The following PKNOX2 variants were observed in gnomAD, a reference collection of about 807,000 sequenced individuals.
The protein encoded by PKNOX2 is homeobox protein PKNOX2.
In PKNOX2, 14 loss-of-function variants were observed where a neutral mutation model predicts 53.1. The observed-to-expected ratio is 0.26, with a 90% CI of 0.17 to 0.41. The LOEUF (loss-of-function observed/expected upper bound fraction) is 0.41. Among genes scored for constraint, PKNOX2 ranks in the 10% least tolerant of loss-of-function variants. The pLI is 1.00. For synonymous variants in PKNOX2, 257 were observed against 242.8 expected, an observed-to-expected ratio of 1.06 and a Z score of -0.54; for missense variants, 496 against 602.8, an observed-to-expected ratio of 0.82 and a Z score of 1.85.
intron 1 of PKNOX2, among the ~76,000 whole-genome samples, chr11:125,192,026 G>A (rs1410757280): frequency 1.3e-5 from 2 of 152,002 alleles, no homozygotes; most frequent in African/African-American, 2.4e-5. Flanking sequence ...ATGAAATATC[G>A]ACATCTGAGC....
intron 2 of PKNOX2, among the ~76,000 whole-genome samples, chr11:125,259,984 C>G (rs1255525691): frequency 6.6e-6 from 1 of 151,992 alleles, no homozygotes; most frequent in African/African-American, 2.4e-5. Flanking sequence ...TCAAGCGATC[C>G]TCCTGCCTCA....
intron 3 of PKNOX2, among the ~76,000 whole-genome samples, chr11:125,333,947 G>A (rs1317920749): frequency 1.3e-5 from 2 of 152,164 alleles, no homozygotes; most frequent in Non-Finnish European, 2.9e-5. Context: ...ATCTCCACGT[G>A]TAAACGACAA....
At chr11:125,404,745 G>A (rs180720484) in intron 7 of PKNOX2, among the ~76,000 whole-genome samples, 4 of 152,074 alleles carry the variant, frequency 2.6e-5, no homozygotes, top group South Asian at 2.1e-4. Context: ...AAGCAGTTTC[G>A]GGGAATTCAG....
At position 125,420,842 on chromosome 11, in the gene PKNOX2, C is replaced by A. The variant is rs141311233; in HGVS notation, c.937-8170C>A. ...ACTGGGGCATCGTGTCAATAGGGCA[C>A]AAAAAGGAGACGCTGAAGGTTCACT... On this transcript the variant is annotated intron_variant, in intron 10 of 12. Coordinates refer to ENST00000298282, the MANE Select transcript of PKNOX2 (RefSeq NM_001382323.2). Among the ~76,000 whole-genome samples the A allele has an allele frequency of 4.3e-3, 656 of 152,134 alleles. 6 individuals are homozygous for A. Among genetic ancestry groups the A allele is most frequent in the African/African-American group, 0.015 (606 of 41,498 alleles).
intron 1 of PKNOX2, among the ~76,000 whole-genome samples, chr11:125,210,460 G>A (rs1195292806): frequency 6.6e-6 from 1 of 152,156 alleles, no homozygotes; most frequent in Non-Finnish European, 1.5e-5. Flanking sequence ...GGGCACAAAT[G>A]TGGATGCAGG....
intron 1 of PKNOX2, among the ~76,000 whole-genome samples, chr11:125,189,371 A>ATATATATATGTGTGTGTATATATATATG: frequency 1.3e-5 from 1 of 79,676 alleles, no homozygotes; most frequent in East Asian, 4.3e-4. Context: ...ATATATATGT[A>ATATATATATGTGTGTGTATATATATATG]TATATATATA....
intron 1 of PKNOX2, chr11:125,188,080 A>G (rs1487761969): frequency 2.6e-5 from 4 of 152,194 alleles, no homozygotes; most frequent in Non-Finnish European, 5.9e-5. Flanking sequence ...GCCCTTGGAG[A>G]CAAGCTTTTT....
chr11:125,377,050 T>C (rs74423910), intron 5 of PKNOX2, among the ~76,000 whole-genome samples: 1,978 of 152,314 alleles, frequency 0.013, 45 homozygotes, highest in African/African-American at 0.043. Context: ...TATAAATTTA[T>C]TGGAGTAGAT....
At chr11:125,219,027 G>A (rs1324604439) in intron 1 of PKNOX2, among the ~76,000 whole-genome samples, 1 of 152,140 alleles carries the variant, frequency 6.6e-6, no homozygotes, top group African/African-American at 2.4e-5. Context: ...ATCAAAAAGG[G>A]TAAATCATGT....
chr11:125,382,338 A>G (rs736808), intron 5 of PKNOX2, among the ~76,000 whole-genome samples: 56,577 of 152,094 alleles, frequency 0.37, 10,849 homozygotes, highest in Middle Eastern at 0.47. Context: ...CACACACACA[A>G]GCACACACAC....
In PKNOX2 at chr11:125,281,985, G is replaced by A. The variant is rs142090257; in HGVS notation, c.-130+46870G>A. 9.0e-3 allele frequency among the ~76,000 whole-genome samples: 1,376 copies of A among 152,288 alleles called. 51 individuals are homozygous for A. Among genetic ancestry groups the A allele is most frequent in the Admixed American group, 0.065 (1,000 of 15,304 alleles). ...GCTGACATTCGAGTTACTCAAATCC[G>A]GCTTATTTCCCTTTTAGGACAAGGT... On this transcript the variant is annotated intron_variant, in intron 2 of 12. Coordinates refer to ENST00000298282, the MANE Select transcript of PKNOX2 (RefSeq NM_001382323.2).
chr11:125,389,023 C>T (rs996631137), intron 6 of PKNOX2, among the ~76,000 whole-genome samples: 21 of 152,134 alleles, frequency 1.4e-4, no homozygotes, highest in African/African-American at 5.1e-4. Context: ...GGCGAAACCT[C>T]GTCTCTACTA....
At chr11:125,233,685 G>T (rs1023526357) in intron 1 of PKNOX2, among the ~76,000 whole-genome samples, 3 of 152,168 alleles carry the variant, frequency 2.0e-5, no homozygotes, top group Admixed American at 1.3e-4. Flanking sequence ...AAATGACTTT[G>T]CCTCGAGGAA....
chr11:125,225,264 TC>T (rs1270242463), intron 1 of PKNOX2, among the ~76,000 whole-genome samples: 1 of 152,162 alleles, frequency 6.6e-6, no homozygotes, highest in African/African-American at 2.4e-5. Context: ...TGGTTGTCTG[TC>T]CCCTCATTAG....
At chr11:125,176,246 G>T (rs1256685837) in intron 1 of PKNOX2, among the ~76,000 whole-genome samples, 1 of 152,214 alleles carries the variant, frequency 6.6e-6, no homozygotes, top group African/African-American at 2.4e-5. Context: ...GGTGAGGAGG[G>T]GGTTGGCCTC....
At chr11:125,192,877 G>A (rs954089900) in intron 1 of PKNOX2, among the ~76,000 whole-genome samples, 5 of 152,332 alleles carry the variant, frequency 3.3e-5, no homozygotes, top group Middle Eastern at 3.4e-3. Context: ...AGCTGGCAGG[G>A]AAACCAGCTG....
At position 125,206,193 on chromosome 11, in the gene PKNOX2, G is replaced by T. The variant is rs190727507; in HGVS notation, c.-200-28852G>T. On this transcript the variant is annotated intron_variant, in intron 1 of 12. Coordinates refer to ENST00000298282, the MANE Select transcript of PKNOX2 (RefSeq NM_001382323.2). ...GAGCCTACTGTCTAGTGGGCGGTGG[G>T]GGGGAGAACCGAGAAGGAAACTTCA... 4.3e-3 allele frequency among the ~76,000 whole-genome samples: 649 copies of T among 152,106 alleles called. 9 individuals carry two copies. The highest frequency in any genetic ancestry group is 0.02 in the Middle Eastern group (6 of 294).
chr11:125,294,106 A>G (rs770160762), intron 2 of PKNOX2, among the ~76,000 whole-genome samples: 56 of 152,350 alleles, frequency 3.7e-4, no homozygotes, highest in Non-Finnish European at 4.1e-4. Context: ...TAACATCACT[A>G]TTCTATTTAA....
intron 4 of PKNOX2, among the ~76,000 whole-genome samples, chr11:125,355,064 C>T (rs547331172): frequency 1.3e-5 from 2 of 152,104 alleles, no homozygotes; most frequent in Non-Finnish European, 2.9e-5. Flanking sequence ...GTCAGGAGTT[C>T]AAGACCAGCT....
Sources: allele counts gnomAD v4.1 joint callset (sites outside exome capture counted in the v4.1 genomes callset), GRCh38; gene constraint gnomAD v4.1.1; transcripts MANE v1.5; gene names NCBI Gene and HGNC (gene_info 2026-07-23, HGNC 2026-07-21).